CHL1: variants seen among roughly 807,000 people sequenced by gnomAD.
CHL1 encodes the protein neural cell adhesion molecule L1-like protein.
CHL1 carries 96 observed loss-of-function variants against 141.9 expected under a neutral mutation model. The observed-to-expected ratio is 0.68, with a 90% CI of 0.57 to 0.80. CHL1 has a LOEUF of 0.80. Among genes scored for constraint, CHL1 ranks in the 30% least tolerant of loss-of-function variants. The probability of loss-of-function intolerance (pLI) is 0.00; values close to 1 mark genes in which losing one functional copy is unlikely to be tolerated. For missense variants in CHL1, 1,820 were observed against 1,457.2 expected (o/e 1.25, Z -4.05); for synonymous variants, 613 against 502.2 (o/e 1.22, Z -2.95).
chr3:249,541 G>A (rs543897087), intron 2 of CHL1, among the ~76,000 whole-genome samples: 8 of 152,232 alleles, frequency 5.3e-5, no homozygotes, highest in Non-Finnish European at 8.8e-5. Context: ...TTCTACCTTC[G>A]AAAGAGTGAG....
chr3:225,047 A>G (rs924479859), intron 1 of CHL1, among the ~76,000 whole-genome samples: 4 of 152,094 alleles, frequency 2.6e-5, no homozygotes, highest in Non-Finnish European at 4.4e-5. Flanking sequence ...GGGCGGGAGA[A>G]CACTTGAACT....
At chr3:362,663 A>T (rs1283031319) in intron 13 of CHL1, among the ~76,000 whole-genome samples, 3 of 152,056 alleles carry the variant, frequency 2.0e-5, no homozygotes. Flanking sequence ...TTATTGTCAA[A>T]TGTACAGGGT....
At chr3:352,993 C>A (rs530636880) in intron 10 of CHL1, among the ~76,000 whole-genome samples, 4 of 152,090 alleles carry the variant, frequency 2.6e-5, no homozygotes, top group African/African-American at 4.8e-5. Context: ...TGTGGAATGG[C>A]GAGAACAGGA....
At chr3:307,172 A>G (rs1699311933) in intron 2 of CHL1, among the ~76,000 whole-genome samples, 1 of 152,168 alleles carries the variant, frequency 6.6e-6, no homozygotes, top group Admixed American at 6.5e-5. Context: ...GAAAAATGAG[A>G]GTTTTAATTT....
intron 1 of CHL1, among the ~76,000 whole-genome samples, chr3:241,739 C>G (rs948740649): frequency 6.6e-6 from 1 of 151,916 alleles, no homozygotes; most frequent in Non-Finnish European, 1.5e-5. Context: ...AAATTACTTT[C>G]TTTTTAATAT....
chr3:295,174 C>T (rs1698077734), intron 2 of CHL1, among the ~76,000 whole-genome samples: 1 of 150,918 alleles, frequency 6.6e-6, no homozygotes, highest in African/African-American at 2.4e-5. Context: ...CCCAAAAAAA[C>T]TAACAAAATT....
At chr3:292,542 A>C (rs1697785117) in intron 2 of CHL1, among the ~76,000 whole-genome samples, 1 of 152,190 alleles carries the variant, frequency 6.6e-6, no homozygotes, top group Non-Finnish European at 1.5e-5. Flanking sequence ...ACAGTAGGTA[A>C]ATCTTATTGG....
intron 2 of CHL1, among the ~76,000 whole-genome samples, chr3:296,941 T>C (rs542945456): frequency 4.8e-4 from 73 of 152,170 alleles, no homozygotes; most frequent in Non-Finnish European, 9.1e-4. Flanking sequence ...GGAGAGAATG[T>C]GCAAAACAAG....
chr3:362,274 T>G (rs1219738923), intron 13 of CHL1, among the ~76,000 whole-genome samples: 1 of 152,168 alleles, frequency 6.6e-6, no homozygotes, highest in Non-Finnish European at 1.5e-5. Flanking sequence ...CCAAAGACAT[T>G]ATCAATATGG....
chr3:395,121 A>T (rs946388450), intron 24 of CHL1, among the ~76,000 whole-genome samples: 2 of 152,224 alleles, frequency 1.3e-5, no homozygotes, highest in Admixed American at 1.3e-4. Context: ...TAGTGTATAC[A>T]AGGTCAGGAA....
rs202084385 is a variant in CHL1, at chr3:226,450, TA to T, written c.-174-18162del. On this transcript the variant is annotated intron_variant, in intron 1 of 27. Coordinates refer to ENST00000256509, the MANE Select transcript of CHL1 (RefSeq NM_006614.4). Reference sequence around the variant, plus strand: ...TATTTTTTAATTTTATTATTATTATTATTTTTTCTGAGACGGAGTTTTGCTC... The same window carrying T: ...TATTTTTTAATTTTATTATTATTATTTTTTTTCTGAGACGGAGTTTTGCTC... Among the ~76,000 whole-genome samples the T allele has an allele frequency of 3.7e-3, 557 of 148,624 alleles. 2 individuals are homozygous for T. The highest frequency in any genetic ancestry group is 5.6e-3 in the Non-Finnish European group (376 of 67,432).
At chr3:344,767 C>G (rs1702624918) in intron 9 of CHL1, 58 bp downstream of exon 9, 1 of 1,527,878 alleles carries the variant, frequency 6.5e-7, no homozygotes, top group South Asian at 1.2e-5. Flanking sequence ...AAGAATAAGA[C>G]ATCAAGCACA....
rs9871112 is a variant in CHL1 at position 242,423 on chromosome 3, C to T, written c.-174-2190C>T. ...CATCCTGGCTAACACGGTGAAACCC[C>T]GTCTCTACTAAAAATACAAAAAATT... On this transcript the variant is annotated intron_variant, in intron 1 of 27. Coordinates refer to ENST00000256509, the MANE Select transcript of CHL1 (RefSeq NM_006614.4). 1.9e-3 allele frequency among the ~76,000 whole-genome samples: 254 copies of T among 133,120 alleles called. 4 individuals are homozygous for T. The East Asian group carries it at 0.02, about 11-fold the overall frequency. The allele number at this position is 133,120 out of a possible 152,430, so 87.3% of individuals were successfully genotyped here. A position where few individuals can be genotyped will look rare whatever the true frequency, so the allele number is the denominator to read the frequency against.
At chr3:323,418 G>T (rs888706924) in intron 3 of CHL1, among the ~76,000 whole-genome samples, 1 of 152,084 alleles carries the variant, frequency 6.6e-6, no homozygotes, top group African/African-American at 2.4e-5. Context: ...TTCAGTGAGC[G>T]GGTATTTTTT....
intron 2 of CHL1, among the ~76,000 whole-genome samples, chr3:288,935 C>T (rs1189566234): frequency 6.6e-6 from 1 of 152,034 alleles, no homozygotes; most frequent in Non-Finnish European, 1.5e-5. Flanking sequence ...TTCCATCATG[C>T]CTTTGGTTTT....
chr3:260,200 G>C (rs888684704), intron 2 of CHL1, among the ~76,000 whole-genome samples: 3 of 152,076 alleles, frequency 2.0e-5, no homozygotes, highest in Admixed American at 6.6e-5. Flanking sequence ...GGAGGTGGAG[G>C]TTGCAGTGAG....
chr3:384,855 T>C (rs1707483987), intron 19 of CHL1, among the ~76,000 whole-genome samples: 2 of 152,194 alleles, frequency 1.3e-5, no homozygotes, highest in African/African-American at 4.8e-5. Context: ...TTAGTTTGCT[T>C]TTTATCCTCA....
At chr3:200,108 T>C (rs1186589717) in intron 1 of CHL1, among the ~76,000 whole-genome samples, 1 of 152,230 alleles carries the variant, frequency 6.6e-6, no homozygotes, top group Non-Finnish European at 1.5e-5. Flanking sequence ...ACATATTGTT[T>C]CCCAGGAGCT....
chr3:262,466 G>A (rs1204738414), intron 2 of CHL1, among the ~76,000 whole-genome samples: 110 of 106,660 alleles, frequency 1.0e-3, no homozygotes, highest in African/African-American at 5.7e-3. Context: ...ACACGTTTAA[G>A]CCTAGATCTA....
Sources: gnomAD v4.1 joint callset for allele counts (sites outside exome capture counted in the v4.1 genomes callset) on GRCh38, gnomAD v4.1.1 for gene constraint, MANE v1.5 for transcripts, NCBI Gene and HGNC (gene_info 2026-07-23, HGNC 2026-07-21) for gene names.